PCCA: variants seen among roughly 807,000 people sequenced by gnomAD.
The protein encoded by PCCA is propionyl-CoA carboxylase alpha chain, mitochondrial.
A neutral mutation model predicts 101.3 loss-of-function variants in PCCA; 74 were observed. The ratio of observed to expected loss-of-function variants is 0.73; its 90% CI spans 0.61 to 0.89. The LOEUF is 0.89. Among genes scored for constraint, PCCA ranks in the 40% least tolerant of loss-of-function variants. The pLI is 0.00. For synonymous variants in PCCA, 294 were observed against 313.6 expected, an observed-to-expected ratio of 0.94 and a Z score of 0.66; for missense variants, 891 against 907.0, an observed-to-expected ratio of 0.98 and a Z score of 0.23.
intron 6 of PCCA, among the ~76,000 whole-genome samples, chr13:100,192,347 C>G (rs1046874588): frequency 6.6e-6 from 1 of 152,126 alleles, no homozygotes; most frequent in Admixed American, 6.6e-5. Flanking sequence ...GCACCTCTGT[C>G]TTGTCCATCA....
At chr13:100,340,375 C>T in intron 18 of PCCA, 116 bp downstream of exon 18, 1 of 714,756 alleles carries the variant, frequency 1.4e-6, no homozygotes, top group East Asian at 2.7e-5. Context: ...TCTTATGGGT[C>T]TTTGGAGAAG....
chr13:100,354,665 G>C (rs892259640), intron 18 of PCCA, among the ~76,000 whole-genome samples: 1 of 152,110 alleles, frequency 6.6e-6, no homozygotes, highest in Non-Finnish European at 1.5e-5. Flanking sequence ...TAGGGGGTAT[G>C]CCTACTGACC....
Position 100,511,827 on chromosome 13 carries a change from C to CT in PCCA, c.1900-3599dup, listed in dbSNP as rs1393911754. Among the ~76,000 whole-genome samples, 3 of 152,166 alleles carry CT rather than the reference C, an allele frequency of 2.0e-5. No homozygotes were observed. In the East Asian group the frequency reaches 5.8e-4, roughly 29 times the overall value. On this transcript the variant is annotated intron_variant, in intron 21 of 23. Transcript: ENST00000376285. ...TGGGGTCTGCAGAATTACATTACTG[C>CT]TACTTCTACAGGCTGTGGAAAAAAG...
chr13:100,173,795 T>TG (rs1296311100), intron 6 of PCCA, among the ~76,000 whole-genome samples: 2 of 152,116 alleles, frequency 1.3e-5, no homozygotes, highest in Admixed American at 1.3e-4. Flanking sequence ...AATTGAATCA[T>TG]GGGGGGCAGG....
chr13:100,407,823 G>T (rs1467535420), intron 19 of PCCA, among the ~76,000 whole-genome samples: 1 of 152,110 alleles, frequency 6.6e-6, no homozygotes, highest in African/African-American at 2.4e-5. Context: ...TTAATTACAT[G>T]TTATAATAGT....
chr13:100,245,272 C>T (rs770965168), intron 8 of PCCA, among the ~76,000 whole-genome samples: 9 of 152,126 alleles, frequency 5.9e-5, no homozygotes, highest in Non-Finnish European at 1.2e-4. Context: ...TTTGTATCTA[C>T]AGCAGGAATT....
chr13:100,224,424 C>T (rs1282105385), intron 7 of PCCA, among the ~76,000 whole-genome samples: 2 of 152,210 alleles, frequency 1.3e-5, no homozygotes, highest in East Asian at 1.9e-4. Flanking sequence ...TTCCCGCTGG[C>T]GCCTCTCCCT....
intron 21 of PCCA, among the ~76,000 whole-genome samples, chr13:100,486,820 G>A (rs989335672): frequency 1.4e-4 from 22 of 152,250 alleles, no homozygotes; most frequent in East Asian, 1.9e-4. Flanking sequence ...TCAAGAGGCC[G>A]TGGTGGCAGG....
At chr13:100,106,813 A>T (rs1165946454) in intron 2 of PCCA, among the ~76,000 whole-genome samples, 1 of 152,192 alleles carries the variant, frequency 6.6e-6, no homozygotes, top group African/African-American at 2.4e-5. Flanking sequence ...CCTGAAATCA[A>T]TTCTGCTCCC....
intron 4 of PCCA, among the ~76,000 whole-genome samples, chr13:100,130,408 A>G (rs767332866): frequency 3.9e-5 from 6 of 152,188 alleles, no homozygotes; most frequent in Non-Finnish European, 8.8e-5. Flanking sequence ...CTGAATTGGA[A>G]CCTGTACAAA....
chr13:100,122,477 G>C (rs908241622), intron 4 of PCCA, among the ~76,000 whole-genome samples: 2 of 152,034 alleles, frequency 1.3e-5, no homozygotes, highest in African/African-American at 4.8e-5. Context: ...TCTTTGGTTA[G>C]TTTTTGATTG....
intron 7 of PCCA, among the ~76,000 whole-genome samples, chr13:100,223,211 G>T (rs2059926115): frequency 2.7e-5 from 4 of 149,996 alleles, no homozygotes; most frequent in Admixed American, 2.7e-4. Context: ...TGCTTTCAAA[G>T]AGCTTAAAGC....
At chr13:100,420,725 A>G (rs892776786) in intron 19 of PCCA, among the ~76,000 whole-genome samples, 3 of 152,188 alleles carry the variant, frequency 2.0e-5, no homozygotes, top group South Asian at 2.1e-4. Context: ...ACACATTGTA[A>G]AATTTGGTGT....
At chr13:100,453,067 A>G (rs932689289) in intron 21 of PCCA, among the ~76,000 whole-genome samples, 1 of 151,884 alleles carries the variant, frequency 6.6e-6, no homozygotes, top group African/African-American at 2.4e-5. Flanking sequence ...GTGGTGGTGC[A>G]TGTCTGTGGT....
intron 19 of PCCA, among the ~76,000 whole-genome samples, chr13:100,421,184 C>CT (rs1051871051): frequency 6.6e-6 from 1 of 151,682 alleles, no homozygotes; most frequent in African/African-American, 2.4e-5. Context: ...GTGCTGCAGC[C>CT]TGGTCCACAG....
At chr13:100,446,531 GTCTTAAT>G (rs1441000334) in intron 20 of PCCA, among the ~76,000 whole-genome samples, 9 of 152,094 alleles carry the variant, frequency 5.9e-5, no homozygotes, top group Non-Finnish European at 1.0e-4. Flanking sequence ...TGGAAGGTGG[GTCTTAAT>G]TCAGCCAGCA....
At chr13:100,150,504 G>T in intron 4 of PCCA, 2 of 1,315,482 alleles carry the variant, frequency 1.5e-6, no homozygotes, top group South Asian at 1.5e-5. Flanking sequence ...TGGAGCGGGA[G>T]AGTATTGCGC....
chr13:100,436,686 C>G (rs1413325242), intron 20 of PCCA, among the ~76,000 whole-genome samples: 1 of 152,218 alleles, frequency 6.6e-6, no homozygotes, highest in African/African-American at 2.4e-5. Context: ...TGATCTAAAT[C>G]ACCTGTTTCC....
At chr13:100,418,470 A>T (rs1000307890) in intron 19 of PCCA, among the ~76,000 whole-genome samples, 2 of 152,132 alleles carry the variant, frequency 1.3e-5, no homozygotes, top group African/African-American at 2.4e-5. Context: ...TCTTCTCTAT[A>T]CCACCAGGGC....
Sources: gnomAD v4.1 joint callset for allele counts (sites outside exome capture counted in the v4.1 genomes callset) on GRCh38, gnomAD v4.1.1 for gene constraint, MANE v1.5 for transcripts, NCBI Gene and HGNC (gene_info 2026-07-23, HGNC 2026-07-21) for gene names.